Variants in LEKR1 observed in about 807,000 individuals in gnomAD.
LEKR1 encodes the protein protein LEKR1.
A neutral mutation model predicts 72.4 loss-of-function variants in LEKR1; 59 were observed. The observed-to-expected ratio is 0.82, with a 90% CI of 0.66 to 1.01. The LOEUF (loss-of-function observed/expected upper bound fraction) is 1.01, where lower values mean the gene tolerates loss of function less well. Among genes scored for constraint, LEKR1 ranks in the 50% least tolerant of loss-of-function variants. LEKR1 has a pLI of 0.00. For synonymous variants in LEKR1, 257 were observed against 263.2 expected, an observed-to-expected ratio of 0.98 and a Z score of 0.23; for missense variants, 728 against 759.2, an observed-to-expected ratio of 0.96 and a Z score of 0.48.
intron 2 of LEKR1, among the ~76,000 whole-genome samples, chr3:156,849,213 C>G (rs1425627428): frequency 1.3e-5 from 2 of 152,016 alleles, no homozygotes; most frequent in Admixed American, 1.3e-4. Flanking sequence ...ATGTGAAGGA[C>G]CTCTTCAAGG....
At chr3:157,045,272 C>A in intron 12 of LEKR1, 68 bp from the exon 13 acceptor site, 2 of 1,301,614 alleles carry the variant, frequency 1.5e-6, no homozygotes, top group Non-Finnish European at 2.1e-6. Flanking sequence ...ATTGTATTGT[C>A]CGTAACTATC....
chr3:156,860,392 A>G (rs1164267949), intron 3 of LEKR1, among the ~76,000 whole-genome samples: 5 of 152,134 alleles, frequency 3.3e-5, no homozygotes, highest in Non-Finnish European at 5.9e-5. Flanking sequence ...AATCCACAGT[A>G]ATGTAGGCTT....
intron 3 of LEKR1, among the ~76,000 whole-genome samples, chr3:156,894,841 A>G (rs1235870378): frequency 6.6e-6 from 1 of 152,186 alleles, no homozygotes; most frequent in African/African-American, 2.4e-5. Context: ...GCTATACATA[A>G]GTGGAAGATT....
chr3:157,009,038 T>C (rs1732687022), intron 9 of LEKR1, among the ~76,000 whole-genome samples: 1 of 152,142 alleles, frequency 6.6e-6, no homozygotes, highest in Admixed American at 6.5e-5. Context: ...CAAAAATACA[T>C]TTAATAAATG....
intron 1 of LEKR1, 75 bp downstream of exon 1, chr3:156,826,451 G>T (rs1711603396): frequency 6.5e-6 from 1 of 153,694 alleles, no homozygotes. Context: ...AGGCGTGCTC[G>T]CACCCGGGGA....
chr3:156,929,600 G>A (rs1315763970), intron 5 of LEKR1, among the ~76,000 whole-genome samples: 4 of 151,970 alleles, frequency 2.6e-5, no homozygotes, highest in South Asian at 2.1e-4. Context: ...TCTGATTCAC[G>A]GGATTATGTT....
rs1720437021 is a variant in LEKR1, at chr3:156,889,422, G to A, written c.264-31153G>A. Among the ~76,000 whole-genome samples the A allele has an allele frequency of 3.3e-5, 5 of 152,186 alleles. 1 individual carries two copies. In the South Asian group the frequency reaches 1.0e-3, roughly 32 times the overall value. ...AGGAGATGAAAATAATTTGCTGTGGGTGCTAGAATATTAAGTGGTCTGGCA... is the reference window on the plus strand; with the variant it reads ...AGGAGATGAAAATAATTTGCTGTGGATGCTAGAATATTAAGTGGTCTGGCA... On this transcript the variant is annotated intron_variant, in intron 3 of 12. Coordinates refer to ENST00000356539, the MANE Select transcript of LEKR1 (RefSeq NM_001004316.3).
intron 5 of LEKR1, among the ~76,000 whole-genome samples, chr3:156,934,526 G>C (rs542707205): frequency 6.6e-6 from 1 of 152,218 alleles, no homozygotes; most frequent in East Asian, 1.9e-4. Flanking sequence ...ATTATCAGTA[G>C]TACAATTCCA....
chr3:157,024,630 A>G (rs1734063562), intron 10 of LEKR1, 130 bp from the exon 11 acceptor site: 1 of 754,686 alleles, frequency 1.3e-6, no homozygotes, highest in Admixed American at 3.4e-5. Flanking sequence ...TTTGAACACT[A>G]GAATTTTTAA....
chr3:156,967,998 A>G (rs1191670314), intron 6 of LEKR1, among the ~76,000 whole-genome samples: 4 of 152,342 alleles, frequency 2.6e-5, no homozygotes, highest in East Asian at 1.9e-4. Context: ...AGAATTTTCA[A>G]TCCAGAATTT....
chr3:156,942,577 T>G lies in LEKR1; in HGVS notation c.608T>G (p.Val203Gly), dbSNP rs768222129. The G allele has an allele frequency of 7.9e-7, 1 of 1,266,118 alleles. No individual in the cohort carries two copies. Among genetic ancestry groups the G allele is most frequent in the South Asian group, 1.3e-5 (1 of 78,698 alleles). The allele number at this position is 1,266,118 out of a possible 1,614,324, so 78.4% of individuals were successfully genotyped here. A position where few individuals can be genotyped will look rare whatever the true frequency, so the allele number is the denominator to read the frequency against. The change falls in exon 6 of 13, where the codon GTA becomes GGA. Residue 203 changes from valine to glycine, a missense_variant. Physicochemically the swap from Val to Gly is moderately radical, Grantham distance 109 (BLOSUM62 -3). Transcript: ENST00000356539. ...KSLTVSQRNK[V>G]CLEKEMKNLK... is the part of the protein sequence containing the mutation. ...TTGACAGTATCCCAGAGAAATAAAG[T>G]ATGCCTTGAAAAGGAAATGAAAAAT...
intron 5 of LEKR1, among the ~76,000 whole-genome samples, chr3:156,940,308 A>G (rs1726088441): frequency 6.6e-6 from 1 of 152,186 alleles, no homozygotes; most frequent in African/African-American, 2.4e-5. Flanking sequence ...AATTGCTGTG[A>G]GTTCCAGGAA....
chr3:156,839,690 T>C (rs1713636008), intron 2 of LEKR1, among the ~76,000 whole-genome samples: 2 of 152,082 alleles, frequency 1.3e-5, no homozygotes, highest in African/African-American at 4.8e-5. Context: ...AAAGAAGACA[T>C]AGTAGAGGCA....
chr3:156,992,846 T>G (rs1731244630), intron 8 of LEKR1, 116 bp downstream of exon 8: 1 of 333,122 alleles, frequency 3.0e-6, no homozygotes, highest in South Asian at 7.7e-5. Context: ...TGTTTACATA[T>G]AAAATACCTA....
At chr3:157,033,083 A>G (rs1238188906) in intron 12 of LEKR1, among the ~76,000 whole-genome samples, 2 of 152,164 alleles carry the variant, frequency 1.3e-5, no homozygotes, top group Non-Finnish European at 2.9e-5. Flanking sequence ...GTGTGTTCGG[A>G]CTAATCCACT....
chr3:157,038,631 G>A (rs1735129491), intron 12 of LEKR1, among the ~76,000 whole-genome samples: 1 of 152,074 alleles, frequency 6.6e-6, no homozygotes, highest in Admixed American at 6.6e-5. Flanking sequence ...TGGTGAGGTG[G>A]GAAGAAAACC....
chr3:156,872,605 C>T (rs1477857506), intron 3 of LEKR1, among the ~76,000 whole-genome samples: 2 of 151,936 alleles, frequency 1.3e-5, no homozygotes, highest in Non-Finnish European at 2.9e-5. Flanking sequence ...CTTAGCACTG[C>T]TTTTGCTAAA....
chr3:156,829,852 G>A (rs1404791939), intron 2 of LEKR1, among the ~76,000 whole-genome samples: 1 of 152,066 alleles, frequency 6.6e-6, no homozygotes. Flanking sequence ...ATGTTTTGAA[G>A]ATTTGGAATG....
chr3:156,881,183 T>C (rs541059142), intron 3 of LEKR1, among the ~76,000 whole-genome samples: 2 of 152,244 alleles, frequency 1.3e-5, no homozygotes, highest in South Asian at 4.1e-4. Flanking sequence ...TAAAGGATAT[T>C]CAATTAGGAA....
Sources: gnomAD v4.1 joint callset for allele counts (sites outside exome capture counted in the v4.1 genomes callset) on GRCh38, gnomAD v4.1.1 for gene constraint, MANE v1.5 for transcripts, NCBI Gene and HGNC (gene_info 2026-07-23, HGNC 2026-07-21) for gene names.